The following FBXO28 variants were observed in gnomAD, a reference collection of about 807,000 sequenced individuals.
FBXO28 encodes F-box protein 28, also known as F-box only protein 28.
Under a neutral mutation model 38.1 loss-of-function variants are expected in FBXO28, and 8 were observed. The observed-to-expected ratio is 0.21, with a 90% CI of 0.12 to 0.38. The LOEUF (loss-of-function observed/expected upper bound fraction) is 0.38. Among genes scored for constraint, FBXO28 ranks in the 10% least tolerant of loss-of-function variants. The probability of loss-of-function intolerance (pLI) is 1.00; values close to 1 mark genes in which losing one functional copy is unlikely to be tolerated. For missense variants in FBXO28, 345 were observed against 460.6 expected (o/e 0.75, Z 2.30); for synonymous variants, 168 against 173.8 (o/e 0.97, Z 0.26).
chr1:224,139,502 G>A (rs567950461), intron 3 of FBXO28, among the ~76,000 whole-genome samples: 68 of 151,206 alleles, frequency 4.5e-4, no homozygotes, highest in Non-Finnish European at 8.1e-4. Context: ...CCAGCACTTT[G>A]GGAGGCCAAG....
chr1:224,127,209 T>C (rs944270518), intron 1 of FBXO28, among the ~76,000 whole-genome samples: 10 of 150,088 alleles, frequency 6.7e-5, no homozygotes, highest in Non-Finnish European at 3.0e-5. Context: ...TGTGTGTGTG[T>C]TTATGTTTGG....
In FBXO28 at chr1:224,143,620, C is replaced by T. The variant is rs541800072; in HGVS notation, c.516+9408C>T. ...CGGGCAGATCACGAGGTCAGGTGAT[C>T]GAGACCATCCTAGCTAACACGGTAA... On this transcript the variant is annotated intron_variant, in intron 3 of 4. Transcript: ENST00000366862. Among the ~76,000 whole-genome samples, 11 of 151,670 alleles carry T rather than the reference C, an allele frequency of 7.3e-5. No homozygotes were observed. The East Asian group carries it at 1.4e-3, about 19-fold the overall frequency.
chr1:224,153,285 G>A lies in FBXO28; in HGVS notation c.660G>A (p.Lys220=), dbSNP rs151022723. The part of the protein sequence containing the change: ...YFDEKIVPIL[K]RKLPGSDVSG... ...ATGAAAAGATTGTTCCAATTTTAAAGAGGAAATTACCAGGATCAGATGTTT... is the reference window on the plus strand; with the variant it reads ...ATGAAAAGATTGTTCCAATTTTAAAAAGGAAATTACCAGGATCAGATGTTT... The change falls in exon 4 of 5, where the codon AAG becomes AAA. Residue 220 remains lysine (K), a synonymous_variant. Transcript: ENST00000366862. 141 of 1,611,034 alleles carry A rather than the reference G, an allele frequency of 8.8e-5. 1 individual carries two copies. The highest frequency in any genetic ancestry group is 1.1e-4 in the Non-Finnish European group (133 of 1,178,908).
intron 3 of FBXO28, among the ~76,000 whole-genome samples, chr1:224,147,396 C>T (rs1657534993): frequency 7.6e-5 from 11 of 144,752 alleles, no homozygotes; most frequent in Admixed American, 6.4e-4. Context: ...GCACTCCAGC[C>T]TGGGCAACAG....
At chr1:224,125,017 A>G (rs1429145098) in intron 1 of FBXO28, among the ~76,000 whole-genome samples, 1 of 152,200 alleles carries the variant, frequency 6.6e-6, no homozygotes, top group African/African-American at 2.4e-5. Flanking sequence ...GCTGTTGGTT[A>G]GTCAGTGCTT....
At chr1:224,136,273 T>C (rs971474462) in intron 3 of FBXO28, among the ~76,000 whole-genome samples, 2 of 151,958 alleles carry the variant, frequency 1.3e-5, no homozygotes, top group African/African-American at 4.8e-5. Context: ...TTTCACATCC[T>C]GTCTGCAAAA....
rs75553142 is a variant in FBXO28, at chr1:224,129,374, T to C, written c.268-1098T>C. Among the ~76,000 whole-genome samples the C allele has an allele frequency of 4.9e-3, 749 of 152,304 alleles. 31 individuals are homozygous for C. The East Asian group carries it at 0.098, about 20-fold the overall frequency. ...ATTTTGGAGGATATACAGTGTCTAA[T>C]ATAAAGGCCTTGGCCATCATAAGCT... On this transcript the variant is annotated intron_variant, in intron 1 of 4. Coordinates refer to ENST00000366862, the MANE Select transcript of FBXO28 (RefSeq NM_015176.4).
chr1:224,114,997 G>C (rs1386606944), intron 1 of FBXO28, among the ~76,000 whole-genome samples: 2 of 152,138 alleles, frequency 1.3e-5, no homozygotes, highest in African/African-American at 4.8e-5. Flanking sequence ...GACCACTAAA[G>C]TAGAGCCTTG....
At chr1:224,123,442 CAAAAAAAAAAAA>C (rs10647785) in intron 1 of FBXO28, among the ~76,000 whole-genome samples, 1 of 64,294 alleles carries the variant, frequency 1.6e-5, no homozygotes, top group East Asian at 5.0e-4. Flanking sequence ...GACCCTGTCT[CAAAAAAAAAAAA>C]AAAAAAAAAA....
chr1:224,119,852 A>T (rs1656732545), intron 1 of FBXO28, among the ~76,000 whole-genome samples: 1 of 152,166 alleles, frequency 6.6e-6, no homozygotes, highest in Non-Finnish European at 1.5e-5. Flanking sequence ...TTGAATTTGG[A>T]TATGTGAAAT....
intron 3 of FBXO28, chr1:224,134,503 A>G: frequency 4.2e-6 from 1 of 235,690 alleles, no homozygotes; most frequent in Non-Finnish European, 8.3e-6. Context: ...GATGCCAGAG[A>G]TACAGCAATG....
intron 1 of FBXO28, among the ~76,000 whole-genome samples, chr1:224,126,801 C>G (rs1017278015): frequency 6.6e-5 from 10 of 152,164 alleles, no homozygotes; most frequent in African/African-American, 2.4e-4. Flanking sequence ...CAGAGCAAGA[C>G]TCCCTCTAAA....
chr1:224,124,045 G>C (rs6426135), intron 1 of FBXO28, among the ~76,000 whole-genome samples: 141,046 of 152,194 alleles, frequency 0.93, 66,200 homozygotes, highest in Non-Finnish European at 1. Context: ...GGGAGGCAAA[G>C]GTTGCAGTGA....
At chr1:224,146,170 G>T (rs971501754) in intron 3 of FBXO28, among the ~76,000 whole-genome samples, 2 of 151,846 alleles carry the variant, frequency 1.3e-5, no homozygotes, top group African/African-American at 4.8e-5. Flanking sequence ...GGAAGCGGAG[G>T]TTGCAGTGAG....
chr1:224,124,933 G>A (rs942019113), intron 1 of FBXO28, among the ~76,000 whole-genome samples: 1 of 152,028 alleles, frequency 6.6e-6, no homozygotes, highest in African/African-American at 2.4e-5. Context: ...TCACCCTGTT[G>A]ACCAGGTGGT....
intron 3 of FBXO28, chr1:224,134,415 G>A (rs570906249): frequency 2.2e-5 from 10 of 457,192 alleles, no homozygotes; most frequent in African/African-American, 4.1e-5. Flanking sequence ...TGAAATAGTC[G>A]AAACCCTAAT....
intron 1 of FBXO28, among the ~76,000 whole-genome samples, chr1:224,118,387 A>G (rs1438814418): frequency 6.6e-6 from 1 of 152,192 alleles, no homozygotes; most frequent in Non-Finnish European, 1.5e-5. Flanking sequence ...TTAGAGAGAT[A>G]CTATCAATTT....
chr1:224,157,570 G>A lies in FBXO28; in HGVS notation c.931G>A (p.Gly311Ser). The change falls in exon 5 of 5, where the codon GGT becomes AGT. Residue 311 changes from glycine to serine, a missense_variant. This residue lies in a region of FBXO28 where 151 missense variants were observed against 188.3 expected (regional missense o/e 0.80). Transcript: ENST00000366862. Reference protein sequence around the residue: ...QKLLEQTQIIGEQNARLAELE... With the variant: ...QKLLEQTQIISEQNARLAELE... ...ACTGCTAGAGCAGACCCAGATCATAGGTGAACAAAATGCACGGTTGGCAGA... is the reference window on the plus strand; with the variant it reads ...ACTGCTAGAGCAGACCCAGATCATAAGTGAACAAAATGCACGGTTGGCAGA... The A allele has an allele frequency of 6.2e-7, 1 of 1,614,256 alleles. No homozygotes were observed. The highest frequency in any genetic ancestry group is 8.5e-7 in the Non-Finnish European group (1 of 1,180,046).
Position 224,127,355 on chromosome 1 carries a change from AAG to A in FBXO28, c.268-3115_268-3114del, listed in dbSNP as rs1656931756. ...TGTGTTTTCCAGAATTTTCTGAGGT[AAG>A]AATACCTCAGTCGATTGAATGCAGA... On this transcript the variant is annotated intron_variant, in intron 1 of 4. Transcript: ENST00000366862. Among the ~76,000 whole-genome samples the A allele has an allele frequency of 3.3e-5, 5 of 152,236 alleles. No individual in the cohort carries two copies. In the South Asian group the frequency reaches 1.0e-3, roughly 32 times the overall value.
Sources: gnomAD v4.1 joint callset for allele counts (sites outside exome capture counted in the v4.1 genomes callset) on GRCh38, gnomAD v4.1.1 for gene constraint, gnomAD v4.1.1 regional missense constraint, MANE v1.5 for transcripts, NCBI Gene and HGNC (gene_info 2026-07-23, HGNC 2026-07-21) for gene names.